DKK3: variants seen among roughly 807,000 people sequenced by gnomAD.
DKK3 encodes dickkopf-related protein 3.
DKK3 carries 22 observed loss-of-function variants against 33.2 expected under a neutral mutation model. The observed-to-expected ratio is 0.66, with a 90% CI of 0.47 to 0.95. The LOEUF (loss-of-function observed/expected upper bound fraction) is 0.95. DKK3 is among the 40% of genes least tolerant of loss of function. DKK3 has a pLI of 0.00. For missense variants in DKK3, 398 were observed against 458.4 expected, an observed-to-expected ratio of 0.87 and a Z score of 1.20; for synonymous variants, 194 against 188.8, an observed-to-expected ratio of 1.03 and a Z score of -0.23.
upstream of DKK3, chr11:12,009,058 G>A: frequency 1.0e-6 from 1 of 986,576 alleles, no homozygotes; most frequent in East Asian, 1.1e-4. Context: ...ACCAAGCACA[G>A]GTCAGCCCCC....
At chr11:11,983,811 A>C (rs1209161229) in intron 3 of DKK3, among the ~76,000 whole-genome samples, 2 of 152,242 alleles carry the variant, frequency 1.3e-5, no homozygotes, top group African/African-American at 4.8e-5. Flanking sequence ...AGCATTTTCC[A>C]GACCAACCCC....
At chr11:12,003,881 T>G (rs995136814) in intron 1 of DKK3, among the ~76,000 whole-genome samples, 2 of 152,182 alleles carry the variant, frequency 1.3e-5, no homozygotes, top group African/African-American at 4.8e-5. Flanking sequence ...AGAATCCTCA[T>G]GTCTCAATGC....
At chr11:11,978,337 ACCC>A (rs910128489) in intron 3 of DKK3, among the ~76,000 whole-genome samples, 4 of 151,570 alleles carry the variant, frequency 2.6e-5, no homozygotes. Flanking sequence ...CCCACTCACG[ACCC>A]CAGATTCTGG....
intron 1 of DKK3, 40 bp from the exon 2 acceptor site, chr11:12,002,477 C>G: frequency 6.3e-7 from 1 of 1,591,498 alleles, no homozygotes; most frequent in Non-Finnish European, 8.6e-7. Context: ...ATTATTTTCT[C>G]TTGTTACAAA....
intron 3 of DKK3, among the ~76,000 whole-genome samples, chr11:11,984,072 A>G (rs1848013095): frequency 6.6e-6 from 1 of 152,226 alleles, no homozygotes. Flanking sequence ...AGGAGTGACT[A>G]GGAGGTCCCA....
Position 12,008,269 on chromosome 11 carries a change from G to C in DKK3, c.213+101C>G. On this transcript the variant is annotated intron_variant, in intron 1 of 6. Transcript: ENST00000683431. The surrounding 1 kb of genome is among the most constrained non-coding windows in gnomAD (Gnocchi z 4.6). Reference sequence around the variant, plus strand: ...TGTCGGCCCTTCCCAGGCCCTGCGCGGGACCCGAGGTCCCTGGCCAGCGCT... The same window carrying C: ...TGTCGGCCCTTCCCAGGCCCTGCGCCGGACCCGAGGTCCCTGGCCAGCGCT... The C allele has an allele frequency of 4.2e-6, 6 of 1,427,032 alleles. No individual in the cohort carries two copies. Among genetic ancestry groups the C allele is most frequent in the Non-Finnish European group, 2.8e-6 (3 of 1,076,056 alleles). 88.4% of individuals were successfully genotyped at this position (1,427,032 alleles called of 1,614,324 possible).
intron 3 of DKK3, among the ~76,000 whole-genome samples, chr11:11,987,616 G>C (rs903131479): frequency 6.6e-6 from 1 of 152,232 alleles, no homozygotes; most frequent in African/African-American, 2.4e-5. Flanking sequence ...GTGCCCGGAG[G>C]TGGGGTATGG....
At chr11:11,982,291 C>G (rs1278161527) in intron 3 of DKK3, among the ~76,000 whole-genome samples, 1 of 152,054 alleles carries the variant, frequency 6.6e-6, no homozygotes, top group Non-Finnish European at 1.5e-5. Flanking sequence ...GGGGAGATGA[C>G]AGGCCCTGCT....
Position 12,008,003 on chromosome 11 carries a change from G to C in DKK3, c.213+367C>G, listed in dbSNP as rs1016437239. Among the ~76,000 whole-genome samples, 1 of 152,290 alleles carries C rather than the reference G, an allele frequency of 6.6e-6. No homozygotes were observed. Among genetic ancestry groups the C allele is most frequent in the Middle Eastern group, 3.4e-3 (1 of 294 alleles). On this transcript the variant is annotated intron_variant, in intron 1 of 6. Transcript: ENST00000683431. This position sits in a 1 kb window ranked among gnomAD's most constrained non-coding sequence, Gnocchi z 4.6. ...CTTGGCGATGCCTGGAGCTTGTCCC[G>C]GGTTTCTGTGAAACCACAGTGCTGG...
chr11:11,992,669 GA>G (rs1455054369), intron 3 of DKK3, among the ~76,000 whole-genome samples: 1 of 152,168 alleles, frequency 6.6e-6, no homozygotes, highest in Non-Finnish European at 1.5e-5. Context: ...GAAAAGAAGG[GA>G]TAAGATAAAT....
intron 3 of DKK3, 48 bp from the exon 4 acceptor site, chr11:11,968,535 C>T (rs374380105): frequency 6.4e-7 from 1 of 1,564,368 alleles, no homozygotes; most frequent in South Asian, 1.1e-5. Flanking sequence ...AGCAGAGCAG[C>T]AGGCCCACAG....
At chr11:11,972,247 T>A (rs187141950) in intron 3 of DKK3, among the ~76,000 whole-genome samples, 65 of 152,354 alleles carry the variant, frequency 4.3e-4, no homozygotes, top group South Asian at 1.2e-3. Context: ...TAGCTATGCA[T>A]CTGCTCCTCC....
At chr11:11,975,736 A>T (rs934077597) in intron 3 of DKK3, among the ~76,000 whole-genome samples, 1 of 152,134 alleles carries the variant, frequency 6.6e-6, no homozygotes, top group Non-Finnish European at 1.5e-5. Context: ...GTCCAGGCAC[A>T]GTTCCCCATT....
intron 3 of DKK3, among the ~76,000 whole-genome samples, chr11:11,975,705 T>C (rs1358353691): frequency 6.6e-6 from 1 of 152,064 alleles, no homozygotes; most frequent in Non-Finnish European, 1.5e-5. Context: ...ATGCAGGACT[T>C]GCAGTGCCAA....
upstream of DKK3, chr11:12,009,245 G>A (rs895237756): frequency 1.0e-4 from 100 of 984,918 alleles, no homozygotes; most frequent in African/African-American, 7.3e-4. Context: ...CGGGCTGCGG[G>A]TGCAGATGCG....
At chr11:11,991,796 T>C (rs1037402302) in intron 3 of DKK3, among the ~76,000 whole-genome samples, 1 of 152,138 alleles carries the variant, frequency 6.6e-6, no homozygotes, top group Non-Finnish European at 1.5e-5. Context: ...TACTACTTTA[T>C]AGCAATGCAA....
In DKK3 at chr11:11,965,789, T is replaced by A. The variant is rs1847575998; in HGVS notation, c.830+20A>T. 1 of 1,608,080 alleles carries A rather than the reference T, an allele frequency of 6.2e-7. No individual in the cohort carries two copies. The highest frequency in any genetic ancestry group is 2.2e-5 in the East Asian group (1 of 44,774). ...TCCTCAGCCCTTGGCTCCCTGAGAG[T>A]GAGGGTTAGGGGGCCTCACCTGTGG... On this transcript the variant is annotated intron_variant, in intron 6 of 6. Transcript: ENST00000683431.
Position 11,991,508 on chromosome 11 carries a change from C to T in DKK3, c.435+7188G>A, listed in dbSNP as rs114446658. ...GCCGAGGTGGGAGGATCTCCTGGGG[C>T]CAGGAGTTCAAAACCAGCTTGGGCA... On this transcript the variant is annotated intron_variant, in intron 3 of 6. Coordinates refer to ENST00000683431, the MANE Select transcript of DKK3 (RefSeq NM_001018057.2). Among the ~76,000 whole-genome samples the T allele has an allele frequency of 7.6e-3, 1,151 of 152,062 alleles. 6 individuals are homozygous for T. Among genetic ancestry groups the T allele is most frequent in the Middle Eastern group, 0.041 (12 of 294 alleles).
rs886455606 is a variant in DKK3 at position 12,008,428 on chromosome 11, C to T, written c.155G>A (p.Arg52His). ...QEEATLNEMFREVEELMEDTQ... is the reference protein window; with the variant it reads ...QEEATLNEMFHEVEELMEDTQ... ...GTCCTCCATCAGTTCCTCAACCTCG[C>T]GGAACATCTCATTGAGGGTGGCCTC... The change falls in exon 1 of 7, where the codon CGC becomes CAC. Residue 52 changes from arginine to histidine, a missense_variant. Physicochemically the swap from Arg to His is conservative, Grantham distance 29. Coordinates refer to ENST00000683431, the MANE Select transcript of DKK3 (RefSeq NM_001018057.2). The surrounding 1 kb of genome is among the most constrained non-coding windows in gnomAD (Gnocchi z 4.6). The T allele has an allele frequency of 1.2e-6, 2 of 1,611,334 alleles. No individual in the cohort carries two copies. Among genetic ancestry groups the T allele is most frequent in the East Asian group, 2.2e-5 (1 of 44,838 alleles).
Sources: allele counts gnomAD v4.1 joint callset (sites outside exome capture counted in the v4.1 genomes callset), GRCh38; gene constraint gnomAD v4.1.1; non-coding constraint Gnocchi (gnomAD v3.1); transcripts MANE v1.5; gene names NCBI Gene and HGNC (gene_info 2026-07-23, HGNC 2026-07-21).